Variants in DNAH6 observed in about 807,000 individuals in gnomAD.
The protein encoded by DNAH6 is dynein axonemal heavy chain 6.
In DNAH6, 340 loss-of-function variants were observed where a neutral mutation model predicts 491.4. That is an observed-to-expected ratio of 0.69 (90% CI 0.63 to 0.76). The LOEUF is 0.76. Among genes scored for constraint, DNAH6 ranks in the 30% least tolerant of loss-of-function variants. The pLI is 0.00. For synonymous variants in DNAH6, 1,603 were observed against 1,686.1 expected (o/e 0.95, Z 1.21); for missense variants, 4,443 against 4,972.2 (o/e 0.89, Z 3.20).
chr2:84,641,813 CACACGAGGGAAAATGATCTTCTCCTTCTA>C, intron 32 of DNAH6, 105 bp from the exon 33 acceptor site: 1 of 669,308 alleles, frequency 1.5e-6, no homozygotes, highest in African/African-American at 1.8e-5. Flanking sequence ...GAACGCTGAA[CACACGAGGGAAAATGATCTTCTCCTTCTA>C]ACAGGAATCC....
chr2:84,480,588 C>T, the DNAH6 span, among the ~76,000 whole-genome samples: 1 of 152,218 alleles, frequency 6.6e-6, no homozygotes, highest in Non-Finnish European at 1.5e-5. Context: ...AAATACTCAA[C>T]AGATGTAGAC....
At position 84,578,322 on chromosome 2, in the gene DNAH6, A is replaced by G. The variant is rs1453189252; in HGVS notation, c.2076+914A>G. Among the ~76,000 whole-genome samples, 3 of 152,178 alleles carry G rather than the reference A, an allele frequency of 2.0e-5. No individual in the cohort carries two copies. The East Asian group carries it at 5.8e-4, about 29-fold the overall frequency. On this transcript the variant is annotated intron_variant, in intron 13 of 76. Coordinates refer to ENST00000389394, the MANE Select transcript of DNAH6 (RefSeq NM_001370.2). ...ATATAATTGGAGCAAATTTAATTCA[A>G]TTTCAACAAGCACTTTTTAGCTACT...
intron 18 of DNAH6, among the ~76,000 whole-genome samples, chr2:84,599,130 G>T (rs1684976172): frequency 6.6e-6 from 1 of 150,392 alleles, no homozygotes; most frequent in Non-Finnish European, 1.5e-5. Context: ...TATATTCTTT[G>T]ATTAAATGTC....
chr2:84,811,972 C>T (rs1047242484), intron 72 of DNAH6, among the ~76,000 whole-genome samples: 7 of 152,176 alleles, frequency 4.6e-5, no homozygotes, highest in African/African-American at 1.7e-4. Context: ...CCCATCTCCC[C>T]CTCCTCCTCA....
intron 19 of DNAH6, among the ~76,000 whole-genome samples, chr2:84,604,945 A>C (rs1256714620): frequency 6.6e-6 from 1 of 152,226 alleles, no homozygotes; most frequent in African/African-American, 2.4e-5. Context: ...CACACCTACT[A>C]ACCCTCTGCA....
chr2:84,786,892 T>C lies in DNAH6; in HGVS notation c.11101-272T>C, dbSNP rs1341636964. Among the ~76,000 whole-genome samples the C allele has an allele frequency of 2.6e-5, 4 of 152,198 alleles. 1 individual carries two copies. In the East Asian group the frequency reaches 5.8e-4, roughly 22 times the overall value. On this transcript the variant is annotated intron_variant, in intron 67 of 76. Transcript: ENST00000389394. ...GCTTTGATGAGAAAATGCTTTATTT[T>C]ATCCTGAAGGAAAAATGTTCTTTTG...
chr2:84,624,435 T>G (rs1299125178), intron 27 of DNAH6, 30 bp from the exon 28 acceptor site: 1 of 1,548,962 alleles, frequency 6.5e-7, no homozygotes, highest in African/African-American at 1.4e-5. Flanking sequence ...TTTCTGAAAT[T>G]AGTGTATCTA....
chr2:84,617,956 C>T (rs1687037251), intron 23 of DNAH6, among the ~76,000 whole-genome samples: 1 of 152,082 alleles, frequency 6.6e-6, no homozygotes, highest in African/African-American at 2.4e-5. Flanking sequence ...TGAGTGAGGA[C>T]TCTAGAGTCT....
intron 11 of DNAH6, among the ~76,000 whole-genome samples, chr2:84,571,392 G>A (rs918337021): frequency 1.3e-5 from 2 of 152,270 alleles, no homozygotes; most frequent in Admixed American, 6.5e-5. Flanking sequence ...CCTGCCAAAC[G>A]CTGCCTTAGC....
At chr2:84,508,280 C>G in the DNAH6 span, among the ~76,000 whole-genome samples, 3 of 152,172 alleles carry the variant, frequency 2.0e-5, no homozygotes, top group Non-Finnish European at 4.4e-5. Context: ...TCAACTTCCT[C>G]CAGGTTTAGT....
intron 48 of DNAH6, among the ~76,000 whole-genome samples, chr2:84,700,388 T>C (rs1695788035): frequency 6.6e-6 from 1 of 152,048 alleles, no homozygotes; most frequent in African/African-American, 2.4e-5. Flanking sequence ...AAGAGGTCAT[T>C]GAAGTTCTGT....
At chr2:84,555,259 C>T (rs575757837) in intron 10 of DNAH6, among the ~76,000 whole-genome samples, 2 of 152,100 alleles carry the variant, frequency 1.3e-5, no homozygotes, top group African/African-American at 4.8e-5. Flanking sequence ...ATACTTGATT[C>T]AATATATACT....
At chr2:84,761,561 A>C (rs1674581651) in intron 63 of DNAH6, among the ~76,000 whole-genome samples, 2 of 152,336 alleles carry the variant, frequency 1.3e-5, no homozygotes, top group South Asian at 4.1e-4. Context: ...CAGTAACACA[A>C]CTAGAAGTAG....
intron 68 of DNAH6, among the ~76,000 whole-genome samples, chr2:84,791,325 A>G (rs1278261574): frequency 6.6e-6 from 1 of 152,186 alleles, no homozygotes; most frequent in Non-Finnish European, 1.5e-5. Flanking sequence ...TGGCATATCC[A>G]TAAATAGAAT....
chr2:84,758,642 T>A lies in DNAH6; in HGVS notation c.10513-4113T>A, dbSNP rs1056003255. 5.7e-4 allele frequency among the ~76,000 whole-genome samples: 86 copies of A among 152,138 alleles called. 1 individual carries two copies. The highest frequency in any genetic ancestry group is 1.9e-3 in the African/African-American group (80 of 41,440). On this transcript the variant is annotated intron_variant, in intron 63 of 76. Coordinates refer to ENST00000389394, the MANE Select transcript of DNAH6 (RefSeq NM_001370.2). Reference sequence around the variant, plus strand: ...AGGGATGCAAGGATGATTTAACGTATGCAAATCAATAAATGTGATACATCA... The same window carrying A: ...AGGGATGCAAGGATGATTTAACGTAAGCAAATCAATAAATGTGATACATCA...
intron 18 of DNAH6, among the ~76,000 whole-genome samples, chr2:84,602,839 C>T: frequency 1.7e-5 from 2 of 120,782 alleles, no homozygotes; most frequent in African/African-American, 3.0e-5. Flanking sequence ...CTCTGTGTGT[C>T]AGTTTCTGGA....
At chr2:84,540,765 A>G (rs528672433) in intron 4 of DNAH6, among the ~76,000 whole-genome samples, 1 of 152,326 alleles carries the variant, frequency 6.6e-6, no homozygotes, top group African/African-American at 2.4e-5. Context: ...AGATGGATAC[A>G]GACAGGTTCT....
chr2:84,649,975 G>T (rs912006105), intron 33 of DNAH6, among the ~76,000 whole-genome samples: 1 of 152,002 alleles, frequency 6.6e-6, no homozygotes, highest in African/African-American at 2.4e-5. Context: ...CTGTCAGCCT[G>T]CATGGTCTCT....
Position 84,529,014 on chromosome 2 carries a change from C to T in DNAH6, c.510C>T (p.Tyr170=), listed in dbSNP as rs1676891995. The T allele has an allele frequency of 6.4e-7, 1 of 1,551,196 alleles. No individual in the cohort carries two copies. Among genetic ancestry groups the T allele is most frequent in the African/African-American group, 1.4e-5 (1 of 72,952 alleles). Reference sequence around the variant, plus strand: ...CTAGATCTTCAGCTTACCCTAAGTACACTTTTCACGACCGAGAAGAAGTTG... The same window carrying T: ...CTAGATCTTCAGCTTACCCTAAGTATACTTTTCACGACCGAGAAGAAGTTG... ...FGTRSSAYPK[Y]TFHDREEVVK... is the part of the protein sequence containing the mutation. Residue 170 remains tyrosine (Y), a synonymous_variant, in exon 4 of 77, where the codon TAC becomes TAT. Coordinates refer to ENST00000389394, the MANE Select transcript of DNAH6 (RefSeq NM_001370.2).
Sources: gnomAD v4.1 joint callset for allele counts (sites outside exome capture counted in the v4.1 genomes callset) on GRCh38, gnomAD v4.1.1 for gene constraint, MANE v1.5 for transcripts, NCBI Gene and HGNC (gene_info 2026-07-23, HGNC 2026-07-21) for gene names.